Variants in TIAM1 observed in about 807,000 individuals in gnomAD.
TIAM1 encodes the protein rho guanine nucleotide exchange factor TIAM1.
A neutral mutation model predicts 163.5 loss-of-function variants in TIAM1; 65 were observed. The ratio of observed to expected loss-of-function variants is 0.40; its 90% CI spans 0.33 to 0.49. The LOEUF is 0.49. Among genes scored for constraint, TIAM1 ranks in the 20% least tolerant of loss-of-function variants. The pLI, the probability that TIAM1 is intolerant of heterozygous loss-of-function variation, is 0.77. For missense variants in TIAM1, 1,789 were observed against 2,044.7 expected, an observed-to-expected ratio of 0.87 and a Z score of 2.41; for synonymous variants, 833 against 810.1, an observed-to-expected ratio of 1.03 and a Z score of -0.48.
In TIAM1 at chr21:31,130,095, G is replaced by GAAA. The variant is rs755900569; in HGVS notation, c.4045+117_4045+118insTTT. On this transcript the variant is annotated intron_variant, in intron 25 of 27. Transcript: ENST00000541036. ...CGAGAGACAAGAGAGTTAAGCATAG[G>GAAA]GAAAAAAAAAAAAAAAAGACGGTAG... is the stretch of plus-strand genomic sequence containing the variant. The GAAA allele has an allele frequency of 3.0e-4, 171 of 573,624 alleles. 1 individual carries two copies. Among genetic ancestry groups the GAAA allele is most frequent in the East Asian group, 7.3e-4 (21 of 28,746 alleles). The allele number at this position is 573,624 out of a possible 1,614,324, so 35.5% of individuals were successfully genotyped here. A position where few individuals can be genotyped will look rare whatever the true frequency, so the allele number is the denominator to read the frequency against.
At chr21:31,295,331 G>C (rs575417246) in intron 2 of TIAM1, among the ~76,000 whole-genome samples, 1 of 152,018 alleles carries the variant, frequency 6.6e-6, no homozygotes, top group South Asian at 2.1e-4. Flanking sequence ...TTAGTTGGGC[G>C]TGGTGGCAGG....
In TIAM1 at chr21:31,339,425, A is replaced by C; in HGVS notation, c.-368-3T>G. On this transcript the variant is annotated splice_polypyrimidine_tract_variant and splice_region_variant and intron_variant, in intron 1 of 27. Coordinates refer to ENST00000541036, the MANE Select transcript of TIAM1 (RefSeq NM_001353694.2). ...GTCTCAGTCCACAGTGATTCTACCT[A>C]TAAGAGCAACATAAGAAAATAATGG... 2.5e-6 allele frequency: 1 copy of C among 398,594 alleles called. No homozygotes were observed. 24.7% of individuals were successfully genotyped at this position (398,594 alleles called of 1,614,324 possible). A position where few individuals can be genotyped will look rare whatever the true frequency, so the allele number is the denominator to read the frequency against.
chr21:31,264,982 T>A (rs1172789064), intron 4 of TIAM1, among the ~76,000 whole-genome samples: 2 of 152,160 alleles, frequency 1.3e-5, no homozygotes, highest in Admixed American at 1.3e-4. Context: ...AAAGGCCCAA[T>A]GCATGCAGGA....
chr21:31,432,153 G>T (rs77749809), intron 2 of TIAM1, among the ~76,000 whole-genome samples: 17,978 of 146,832 alleles, frequency 0.12, 1,895 homozygotes, highest in African/African-American at 0.28. Flanking sequence ...CAGGCTGGAG[G>T]GCAGTGGCGT....
At chr21:31,332,894 C>G (rs180977864) in intron 2 of TIAM1, among the ~76,000 whole-genome samples, 1 of 151,834 alleles carries the variant, frequency 6.6e-6, no homozygotes, top group Non-Finnish European at 1.5e-5. Context: ...AAAGGTGAAG[C>G]AGAAACACTA....
chr21:31,481,080 C>T (rs1193198935), intron 1 of TIAM1, among the ~76,000 whole-genome samples: 1 of 152,122 alleles, frequency 6.6e-6, no homozygotes, highest in Admixed American at 6.5e-5. Context: ...TCTTACAGTC[C>T]TAGAGGCTGG....
At chr21:31,369,472 G>A (rs946086753) in intron 2 of TIAM1, among the ~76,000 whole-genome samples, 58 of 152,080 alleles carry the variant, frequency 3.8e-4, no homozygotes, top group Non-Finnish European at 7.4e-5. Context: ...CTAAATGGCA[G>A]GAATAAGTTC....
At chr21:31,555,992 A>T (rs2048864714) in intron 1 of TIAM1, among the ~76,000 whole-genome samples, 1 of 152,126 alleles carries the variant, frequency 6.6e-6, no homozygotes, top group African/African-American at 2.4e-5. Flanking sequence ...AAAGAACTGC[A>T]AAGGGAAAGG....
At chr21:31,445,920 T>C (rs778282332) in intron 2 of TIAM1, among the ~76,000 whole-genome samples, 4 of 152,062 alleles carry the variant, frequency 2.6e-5, no homozygotes, top group Admixed American at 6.6e-5. Flanking sequence ...TTGAGGACTA[T>C]GTTTGTTTTT....
intron 2 of TIAM1, among the ~76,000 whole-genome samples, chr21:31,463,804 T>G (rs1056525402): frequency 8.1e-6 from 1 of 123,412 alleles, no homozygotes; most frequent in African/African-American, 3.4e-5. Flanking sequence ...AGACTAAGGC[T>G]CCGTCTCCAA....
Position 31,359,630 on chromosome 21 carries a change from A to G in TIAM1, c.-368-20208T>C, listed in dbSNP as rs1042500284. ...TAGTGAAATCCTGTCTCTACTAAAA[A>G]TACAAAAATTTAGCAGGGCATGGTG... On this transcript the variant is annotated intron_variant, in intron 2 of 28. Transcript: ENST00000286827. 3.3e-5 allele frequency among the ~76,000 whole-genome samples: 5 copies of G among 152,180 alleles called. 1 individual carries two copies. Among genetic ancestry groups the G allele is most frequent in the East Asian group, 3.9e-4 (2 of 5,158 alleles).
chr21:31,279,000 G>A lies in TIAM1; in HGVS notation c.-188-2092C>T, dbSNP rs1437114668. On this transcript the variant is annotated intron_variant, in intron 2 of 27. Coordinates refer to ENST00000541036, the MANE Select transcript of TIAM1 (RefSeq NM_001353694.2). ...TTCCTGGCAAAGGAGGCCGGCAGGC[G>A]GCTGTCCTTCCACCTGCACAACGGA... Among the ~76,000 whole-genome samples the A allele has an allele frequency of 3.9e-5, 6 of 152,202 alleles. No individual in the cohort carries two copies. The East Asian group carries it at 7.7e-4, about 20-fold the overall frequency.
Position 31,187,007 on chromosome 21 carries a change from T to C in TIAM1, c.2656A>G (p.Lys886Glu), listed in dbSNP as rs1396743953. ...NSVKETGLAS[K>E]KGLKAGDEIL... The stretch of plus-strand genomic sequence containing the variant: ...CCCTCCTTCACTGACTTACCTTTCT[T>C]GGAAGCTAAACCGGTTTCCTTCACA... Residue 886 changes from lysine (K) to glutamate (E), a missense_variant, in exon 14 of 28, where the codon AAG (lysine) becomes GAG (glutamate). By Grantham distance (56) the Lys-to-Glu change is moderately conservative. Transcript: ENST00000541036. The C allele has an allele frequency of 6.2e-7, 1 of 1,614,092 alleles. No homozygotes were observed. Among genetic ancestry groups the C allele is most frequent in the Admixed American group, 1.7e-5 (1 of 60,026 alleles).
chr21:31,537,675 C>T (rs2048183662), intron 1 of TIAM1, among the ~76,000 whole-genome samples: 1 of 151,844 alleles, frequency 6.6e-6, no homozygotes, highest in Admixed American at 6.6e-5. Context: ...TTGCTCGAAC[C>T]TGGAAGGCGG....
At chr21:31,424,265 A>G (rs112396036) in intron 2 of TIAM1, among the ~76,000 whole-genome samples, 3,707 of 152,296 alleles carry the variant, frequency 0.024, 152 homozygotes, top group African/African-American at 0.083. Flanking sequence ...CTAAAGAAAT[A>G]AAAACTGAGA....
chr21:31,152,411 ACTT>A (rs1306451917), intron 19 of TIAM1, among the ~76,000 whole-genome samples: 1 of 152,194 alleles, frequency 6.6e-6, no homozygotes. Context: ...CAAGGTTGGT[ACTT>A]CTTCTCACGT....
chr21:31,209,353 C>T (rs1057329816), intron 11 of TIAM1, among the ~76,000 whole-genome samples: 1 of 152,224 alleles, frequency 6.6e-6, no homozygotes, highest in Non-Finnish European at 1.5e-5. Flanking sequence ...CAAGACCATT[C>T]ACCTGGCTGC....
At chr21:31,232,376 C>T (rs1477827454) in intron 6 of TIAM1, among the ~76,000 whole-genome samples, 2 of 152,130 alleles carry the variant, frequency 1.3e-5, no homozygotes, top group Non-Finnish European at 2.9e-5. Flanking sequence ...CAGTCCCTAC[C>T]ATTCTCTATC....
intron 2 of TIAM1, among the ~76,000 whole-genome samples, chr21:31,301,649 G>A (rs949832408): frequency 2.0e-5 from 3 of 152,078 alleles, no homozygotes; most frequent in Non-Finnish European, 4.4e-5. Context: ...AGACAAGCCT[G>A]GCCAACATGG....
Sources: allele counts gnomAD v4.1 joint callset (sites outside exome capture counted in the v4.1 genomes callset), GRCh38; gene constraint gnomAD v4.1.1; transcripts MANE v1.5; gene names NCBI Gene and HGNC (gene_info 2026-07-23, HGNC 2026-07-21).